FIBCD1: variants seen among roughly 807,000 people sequenced by gnomAD.
FIBCD1 encodes fibrinogen C domain-containing protein 1.
Under a neutral mutation model 45.1 loss-of-function variants are expected in FIBCD1, and 47 were observed. The ratio of observed to expected loss-of-function variants is 1.04; its 90% CI spans 0.82 to 1.33. The LOEUF (loss-of-function observed/expected upper bound fraction) is 1.33. Ranked by LOEUF, FIBCD1 falls within the 40% of genes most tolerant of loss-of-function variation. The pLI, the probability that FIBCD1 is intolerant of heterozygous loss-of-function variation, is 0.00. For missense variants in FIBCD1, 653 were observed against 682.2 expected (o/e 0.96, Z 0.48); for synonymous variants, 313 against 308.1 (o/e 1.02, Z -0.17).
chr9:130,930,764 G>C, intron 1 of FIBCD1: 1 of 456,012 alleles, frequency 2.2e-6, no homozygotes, highest in Non-Finnish European at 4.4e-6. Context: ...CTTGGGCCAG[G>C]GGCCTCACCT....
chr9:130,929,648 C>T lies in FIBCD1; in HGVS notation c.471G>A (p.Glu157=). The change falls in exon 2 of 7, where the codon GAG becomes GAA. Residue 157 remains glutamate (E), a synonymous_variant. Coordinates refer to ENST00000372338, the MANE Select transcript of FIBCD1 (RefSeq NM_032843.5). ...CATGCCCCTTCCGCAGCCCCATGCA[C>T]TCCGTCTGCAGCTCTGAGGCTCGGG... ...LLARASELQT[E]CMGLRKGHGT... is the part of the protein sequence containing the mutation. 6.3e-7 allele frequency: 1 copy of T among 1,593,290 alleles called. No individual in the cohort carries two copies. The highest frequency in any genetic ancestry group is 8.5e-7 in the Non-Finnish European group (1 of 1,171,056).
intron 6 of FIBCD1, 59 bp from the exon 7 acceptor site, chr9:130,904,382 G>A: frequency 1.3e-6 from 2 of 1,536,486 alleles, no homozygotes; most frequent in Non-Finnish European, 1.7e-6. Context: ...CACTGGTGTT[G>A]CATGTGTGAG....
chr9:130,908,244 C>T (rs532868842), intron 5 of FIBCD1, among the ~76,000 whole-genome samples: 1 of 152,110 alleles, frequency 6.6e-6, no homozygotes, highest in Non-Finnish European at 1.5e-5. Context: ...GAGGGTGGTG[C>T]GGCAGAGGAG....
chr9:130,927,844 C>T (rs898383938), intron 2 of FIBCD1, among the ~76,000 whole-genome samples: 4 of 152,062 alleles, frequency 2.6e-5, no homozygotes, highest in African/African-American at 9.7e-5. Context: ...TATTTTTAGT[C>T]GAGACGGGGT....
chr9:130,920,810 G>A (rs1588109292), intron 4 of FIBCD1, among the ~76,000 whole-genome samples: 1 of 152,346 alleles, frequency 6.6e-6, no homozygotes, highest in East Asian at 1.9e-4. Flanking sequence ...TCTGGGCCCT[G>A]GGGCTCCCCA....
intron 1 of FIBCD1, among the ~76,000 whole-genome samples, chr9:130,934,197 G>A (rs1353009951): frequency 2.6e-5 from 4 of 152,160 alleles, no homozygotes; most frequent in African/African-American, 4.8e-5. Context: ...CTCTGCTCCC[G>A]GCTGGCACAT....
intron 1 of FIBCD1, among the ~76,000 whole-genome samples, chr9:130,933,446 C>T (rs377573663): frequency 2.0e-5 from 3 of 152,168 alleles, no homozygotes; most frequent in African/African-American, 7.2e-5. Context: ...AGGAGAGAGA[C>T]CGGGGCCTGA....
rs541829882 is a variant in FIBCD1 at position 130,926,817 on chromosome 9, G to A, written c.553-2421C>T. ...AGCTGGGTGACAGAGCGAGACAACC[G>A]TGTCTCAAAAAATAAATAAATGAAT... On this transcript the variant is annotated intron_variant, in intron 2 of 6. Transcript: ENST00000372338. The surrounding 1 kb of genome is among the most constrained non-coding windows in gnomAD (Gnocchi z 4.1). Among the ~76,000 whole-genome samples, 3 of 152,114 alleles carry A rather than the reference G, an allele frequency of 2.0e-5. No homozygotes were observed. The highest frequency in any genetic ancestry group is 2.4e-5 in the African/African-American group (1 of 41,476).
chr9:130,924,120 C>T (rs1007299395), intron 3 of FIBCD1, 117 bp downstream of exon 3: 3 of 1,372,524 alleles, frequency 2.2e-6, no homozygotes, highest in African/African-American at 2.9e-5. Context: ...GCGCAGGCCA[C>T]ATGGAAGTAG....
rs944509826 is a variant in FIBCD1, at chr9:130,902,628, T to G, written c.*1436A>C. On this transcript the variant is annotated 3_prime_UTR_variant, in exon 7 of 7. Transcript: ENST00000372338. The stretch of plus-strand genomic sequence containing the variant: ...CGGGTGTCCTTTGGAGGAAGCCACC[T>G]CCCCTCCTGCCCGAGGAGAGGCTGC... The G allele has an allele frequency of 6.6e-6, 1 of 152,124 alleles. No homozygotes were observed. Among genetic ancestry groups the G allele is most frequent in the African/African-American group, 2.4e-5 (1 of 41,426 alleles). 9.4% of individuals were successfully genotyped at this position (152,124 alleles called of 1,614,324 possible).
In FIBCD1 at chr9:130,922,321, T is replaced by C. The variant is rs1257107822; in HGVS notation, c.849+1423A>G. Reference sequence around the variant, plus strand: ...CTGTTCCTGGCTAAGCAGGCCTGACTGGCATCGCCGGCCTCCCAGTCTCTC... The same window carrying C: ...CTGTTCCTGGCTAAGCAGGCCTGACCGGCATCGCCGGCCTCCCAGTCTCTC... On this transcript the variant is annotated intron_variant, in intron 4 of 6. Coordinates refer to ENST00000372338, the MANE Select transcript of FIBCD1 (RefSeq NM_032843.5). This position sits in a 1 kb window ranked among gnomAD's most constrained non-coding sequence, Gnocchi z 4.5. Among the ~76,000 whole-genome samples, 1 of 152,150 alleles carries C rather than the reference T, an allele frequency of 6.6e-6. No homozygotes were observed. The highest frequency in any genetic ancestry group is 2.4e-5 in the African/African-American group (1 of 41,436).
chr9:130,924,607 G>C (rs1053477689), intron 2 of FIBCD1, among the ~76,000 whole-genome samples: 1 of 152,176 alleles, frequency 6.6e-6, no homozygotes, highest in African/African-American at 2.4e-5. Flanking sequence ...CTGGGGCCTC[G>C]AGGGCTGGGA....
chr9:130,916,620 G>A (rs546786950), intron 4 of FIBCD1, among the ~76,000 whole-genome samples: 1 of 152,384 alleles, frequency 6.6e-6, no homozygotes, highest in South Asian at 2.1e-4. Context: ...CTGGCAAACA[G>A]CTTCAGCGAC....
At chr9:130,939,328 C>G (rs1832577783), upstream of FIBCD1, 1 of 152,162 alleles carries the variant, frequency 6.6e-6, no homozygotes, top group Admixed American at 6.5e-5. Context: ...ACGCAGGGCT[C>G]GCCCCAAGAC....
chr9:130,904,854 G>A (rs551732917), intron 6 of FIBCD1, among the ~76,000 whole-genome samples: 13 of 152,334 alleles, frequency 8.5e-5, no homozygotes, highest in South Asian at 2.1e-4. Context: ...CCAGAGGGCC[G>A]AAGGGCATCA....
chr9:130,925,124 A>G (rs1347223494), intron 2 of FIBCD1, among the ~76,000 whole-genome samples: 1 of 150,698 alleles, frequency 6.6e-6, no homozygotes, highest in African/African-American at 2.4e-5. Flanking sequence ...CCCCCGTCCC[A>G]CCCCCACTCC....
At chr9:130,936,829 C>T (rs1397410989) in intron 1 of FIBCD1, among the ~76,000 whole-genome samples, 1 of 152,172 alleles carries the variant, frequency 6.6e-6, no homozygotes, top group East Asian at 1.9e-4. Context: ...CAGGAGGGGC[C>T]CAGGACAAGG....
chr9:130,929,936 GC>G lies in FIBCD1; in HGVS notation c.182del (p.Gly61AlafsTer59). Reference sequence around the variant, plus strand: ...TGCTGACGACAGGTGGGGGCGCCGTGCCCGGCGCGTGGGCGTGGTTCAGGAA... The same window carrying G: ...TGCTGACGACAGGTGGGGGCGCCGTGCCGGCGCGTGGGCGTGGTTCAGGAA... Reference protein sequence around the residue: ...VLFLNHAHAPGTAPPPVVSTG... With the variant: ...VLFLNHAHAPXTAPPPVVSTG... On this transcript the variant is annotated frameshift_variant, in exon 2 of 7. Transcript: ENST00000372338. LOFTEE classifies it high-confidence loss of function. 6.5e-7 allele frequency: 1 copy of G among 1,549,052 alleles called. No individual in the cohort carries two copies.
rs1033552817 is a variant in FIBCD1, at chr9:130,926,486, C to A, written c.553-2090G>T. On this transcript the variant is annotated intron_variant, in intron 2 of 6. Coordinates refer to ENST00000372338, the MANE Select transcript of FIBCD1 (RefSeq NM_032843.5). The surrounding 1 kb of genome is among the most constrained non-coding windows in gnomAD (Gnocchi z 4.1). Reference sequence around the variant, plus strand: ...TTAGCTGTGTGAGTGAGCTTGCACACGCACCTGTCACTCAGAGCCTCAGTC... The same window carrying A: ...TTAGCTGTGTGAGTGAGCTTGCACAAGCACCTGTCACTCAGAGCCTCAGTC... Among the ~76,000 whole-genome samples, 1 of 152,200 alleles carries A rather than the reference C, an allele frequency of 6.6e-6. No individual in the cohort carries two copies. The highest frequency in any genetic ancestry group is 2.4e-5 in the African/African-American group (1 of 41,442).
Sources: gnomAD v4.1 joint callset for allele counts (sites outside exome capture counted in the v4.1 genomes callset) on GRCh38, gnomAD v4.1.1 for gene constraint, Gnocchi (gnomAD v3.1) non-coding constraint, MANE v1.5 for transcripts, NCBI Gene and HGNC (gene_info 2026-07-23, HGNC 2026-07-21) for gene names.